The following CPNE8 variants were observed in gnomAD, a reference collection of about 807,000 sequenced individuals.
CPNE8 encodes copine 8.
Under a neutral mutation model 81.5 loss-of-function variants are expected in CPNE8, and 45 were observed. The ratio of observed to expected loss-of-function variants is 0.55; its 90% CI spans 0.44 to 0.71. The LOEUF (loss-of-function observed/expected upper bound fraction) is 0.71. Ranked by LOEUF, CPNE8 falls within the 30% of genes least tolerant of loss-of-function variation. The pLI, the probability that CPNE8 is intolerant of heterozygous loss-of-function variation, is 0.00. For missense variants in CPNE8, 594 were observed against 672.1 expected (o/e 0.88, Z 1.28); for synonymous variants, 252 against 226.3 (o/e 1.11, Z -1.02).
At chr12:38,696,819 T>C (rs1281125974) in intron 14 of CPNE8, among the ~76,000 whole-genome samples, 1 of 152,024 alleles carries the variant, frequency 6.6e-6, no homozygotes, top group East Asian at 1.9e-4. Flanking sequence ...CCAAGGTGGG[T>C]GGATCGCTTT....
intron 3 of CPNE8, among the ~76,000 whole-genome samples, chr12:38,862,141 T>C (rs944184784): frequency 3.3e-5 from 5 of 152,070 alleles, no homozygotes; most frequent in African/African-American, 9.7e-5. Context: ...ATTTGCCAAA[T>C]TGTAGAAATG....
intron 4 of CPNE8, among the ~76,000 whole-genome samples, chr12:38,841,402 T>C (rs912683772): frequency 2.6e-5 from 4 of 152,194 alleles, no homozygotes; most frequent in Admixed American, 6.5e-5. Flanking sequence ...GAAAGTATTA[T>C]AGAATACAGG....
At chr12:38,784,876 C>A (rs116222687) in intron 6 of CPNE8, among the ~76,000 whole-genome samples, 1 of 152,052 alleles carries the variant, frequency 6.6e-6, no homozygotes, top group African/African-American at 2.4e-5. Flanking sequence ...ATGAGAAATG[C>A]TAAAGAGAAT....
chr12:38,902,315 G>T (rs373320295), intron 1 of CPNE8, among the ~76,000 whole-genome samples: 1 of 83,772 alleles, frequency 1.2e-5, no homozygotes, highest in Non-Finnish European at 2.3e-5. Context: ...AAGGAAGGAA[G>T]GAAAGAAAGA....
At chr12:38,762,382 C>T (rs1192150076) in intron 8 of CPNE8, among the ~76,000 whole-genome samples, 166 bp from the exon 9 acceptor site, 3 of 152,190 alleles carry the variant, frequency 2.0e-5, no homozygotes, top group Non-Finnish European at 4.4e-5. Flanking sequence ...CCTGAAAGAT[C>T]ACCTCACCAT....
At position 38,770,587 on chromosome 12, in the gene CPNE8, A is replaced by T. The variant is rs116110729; in HGVS notation, c.472-2849T>A. Among the ~76,000 whole-genome samples the T allele has an allele frequency of 5.0e-3, 755 of 152,318 alleles. 5 individuals are homozygous for T. Among genetic ancestry groups the T allele is most frequent in the African/African-American group, 0.017 (705 of 41,544 alleles). ...AAGGCTTTCCCTTGCATTTAGGAAAAATGCAGAACCTTTAACATGGTCCGC... is the reference window on the plus strand; with the variant it reads ...AAGGCTTTCCCTTGCATTTAGGAAATATGCAGAACCTTTAACATGGTCCGC... On this transcript the variant is annotated intron_variant, in intron 7 of 19. Transcript: ENST00000331366.
At chr12:38,702,292 T>G (rs1448940436) in intron 14 of CPNE8, among the ~76,000 whole-genome samples, 3 of 152,190 alleles carry the variant, frequency 2.0e-5, no homozygotes, top group Admixed American at 1.3e-4. Context: ...CTATCTTTTT[T>G]TCTTAAAAGG....
chr12:38,853,232 T>C (rs550962412), intron 3 of CPNE8, among the ~76,000 whole-genome samples: 7 of 152,254 alleles, frequency 4.6e-5, no homozygotes, highest in African/African-American at 1.7e-4. Flanking sequence ...GCTAATTCTT[T>C]GGAAAATGTG....
intron 6 of CPNE8, among the ~76,000 whole-genome samples, chr12:38,783,222 G>A (rs1000682176): frequency 6.6e-6 from 1 of 151,842 alleles, no homozygotes; most frequent in Non-Finnish European, 1.5e-5. Flanking sequence ...TGAAATAGAG[G>A]GCTCCATTGA....
chr12:38,906,335 G>T, upstream of CPNE8: 2 of 985,576 alleles, frequency 2.0e-6, no homozygotes, highest in South Asian at 4.7e-5. Context: ...GTGGGGGCGG[G>T]GGGGCGGACT....
At chr12:38,693,365 G>A (rs181096170) in intron 15 of CPNE8, among the ~76,000 whole-genome samples, 3 of 151,992 alleles carry the variant, frequency 2.0e-5, no homozygotes, top group Admixed American at 1.3e-4. Context: ...ATAATAGAAT[G>A]ATATTGTTTG....
chr12:38,747,207 A>T (rs1246559027), intron 10 of CPNE8, among the ~76,000 whole-genome samples: 1 of 152,234 alleles, frequency 6.6e-6, no homozygotes, highest in Non-Finnish European at 1.5e-5. Flanking sequence ...AGCTATTGCC[A>T]AAGATTTTCT....
chr12:38,904,477 T>TG (rs1944534583), intron 1 of CPNE8, among the ~76,000 whole-genome samples: 1 of 150,656 alleles, frequency 6.6e-6, no homozygotes, highest in African/African-American at 2.5e-5. Flanking sequence ...TTTGTTTTTT[T>TG]TTTTTTTTTG....
intron 3 of CPNE8, among the ~76,000 whole-genome samples, chr12:38,858,786 T>C (rs1438852249): frequency 7.2e-5 from 11 of 152,292 alleles, no homozygotes; most frequent in Admixed American, 2.6e-4. Flanking sequence ...AGATTTTTTT[T>C]CCTGTGATAC....
chr12:38,840,055 C>A (rs1943443798), intron 4 of CPNE8, 100 bp from the exon 5 acceptor site: 9 of 1,157,334 alleles, frequency 7.8e-6, no homozygotes, highest in South Asian at 1.9e-5. Context: ...AAAATGAATC[C>A]AAAATAATAC....
intron 3 of CPNE8, among the ~76,000 whole-genome samples, chr12:38,868,862 G>A (rs1943952131): frequency 1.3e-5 from 2 of 152,050 alleles, no homozygotes. Context: ...TTATTCGTAT[G>A]GTATAGTTTC....
intron 11 of CPNE8, among the ~76,000 whole-genome samples, chr12:38,725,433 A>G (rs1940672378): frequency 2.0e-5 from 3 of 152,204 alleles, no homozygotes; most frequent in African/African-American, 2.4e-5. Context: ...TATTTGATCC[A>G]TAAGTAAATA....
At chr12:38,805,552 C>A (rs1021659368) in intron 6 of CPNE8, among the ~76,000 whole-genome samples, 1 of 108,812 alleles carries the variant, frequency 9.2e-6, no homozygotes, top group African/African-American at 3.4e-5. Flanking sequence ...GGGAGATATA[C>A]CTAATGCTAG....
At chr12:38,860,472 T>C (rs1274302097) in intron 3 of CPNE8, among the ~76,000 whole-genome samples, 2 of 149,772 alleles carry the variant, frequency 1.3e-5, no homozygotes, top group Non-Finnish European at 3.0e-5. Context: ...AATTGTAAAA[T>C]GGTGCAGCCA....
Sources: gnomAD v4.1 joint callset for allele counts (sites outside exome capture counted in the v4.1 genomes callset) on GRCh38, gnomAD v4.1.1 for gene constraint, MANE v1.5 for transcripts, NCBI Gene and HGNC (gene_info 2026-07-23, HGNC 2026-07-21) for gene names.